Variants in VSIG8 observed in about 807,000 individuals in gnomAD.
The protein encoded by VSIG8 is V-set and immunoglobulin domain containing 8.
VSIG8 carries 32 observed loss-of-function variants against 42.6 expected under a neutral mutation model. The ratio of observed to expected loss-of-function variants is 0.75; its 90% CI spans 0.57 to 1.01. VSIG8 has a LOEUF of 1.01. Among genes scored for constraint, VSIG8 ranks in the 50% least tolerant of loss-of-function variants. The probability of loss-of-function intolerance (pLI) is 0.00; values close to 1 mark genes in which losing one functional copy is unlikely to be tolerated. For missense variants in VSIG8, 529 were observed against 558.0 expected, an observed-to-expected ratio of 0.95 and a Z score of 0.52; for synonymous variants, 290 against 243.8, an observed-to-expected ratio of 1.19 and a Z score of -1.77.
intron 1 of VSIG8, 110 bp downstream of exon 1, chr1:159,862,363 A>T: frequency 8.2e-7 from 1 of 1,219,362 alleles, no homozygotes; most frequent in South Asian, 1.5e-5. Context: ...GGTGGGCAGC[A>T]CCCTGCCAGG....
At chr1:159,856,400 G>A (rs1648826240) in intron 5 of VSIG8, 124 bp downstream of exon 5, 2 of 1,509,104 alleles carry the variant, frequency 1.3e-6, no homozygotes, top group Admixed American at 1.8e-5. Context: ...GAAAGGGGCT[G>A]GGAGCCCCCA....
rs1648737406 is a variant in VSIG8, at chr1:159,854,692, GCAGA to G, written c.*57_*60del. 7.1e-7 allele frequency: 1 copy of G among 1,403,442 alleles called. No homozygotes were observed. The highest frequency in any genetic ancestry group is 3.3e-5 in the Admixed American group (1 of 30,032). The allele number at this position is 1,403,442 out of a possible 1,614,324, so 86.9% of individuals were successfully genotyped here. On this transcript the variant is annotated 3_prime_UTR_variant, in exon 7 of 7. Coordinates refer to ENST00000368100, the MANE Select transcript of VSIG8 (RefSeq NM_001013661.1). ...CCCCAGCCCCGACGTGTCCCCAGCT[GCAGA>G]CAGAGAGCCCCGCGCCCTCCTCCTG...
chr1:159,855,796 C>A (rs961116047), intron 6 of VSIG8, 87 bp downstream of exon 6: 218 of 1,444,206 alleles, frequency 1.5e-4, no homozygotes, highest in Non-Finnish European at 1.8e-4. Context: ...GGTGGGGGGC[C>A]CAGCCGGCCG....
chr1:159,856,101 C>A lies in VSIG8; in HGVS notation c.773-20G>T. ...GGGAGTCTGTGGAGAGAAGTGGAGG[C>A]AGGTCAGGCTTTCTCACAGCCTGGC... On this transcript the variant is annotated intron_variant, in intron 5 of 6. Coordinates refer to ENST00000368100, the MANE Select transcript of VSIG8 (RefSeq NM_001013661.1). 1 of 1,602,826 alleles carries A rather than the reference C, an allele frequency of 6.2e-7. No homozygotes were observed. The highest frequency in any genetic ancestry group is 1.7e-5 in the Admixed American group (1 of 58,946).
At chr1:159,862,406 C>T in intron 1 of VSIG8, 67 bp downstream of exon 1, 2 of 1,518,070 alleles carry the variant, frequency 1.3e-6, no homozygotes, top group South Asian at 2.5e-5. Flanking sequence ...CACTGTGAGC[C>T]CTTGCTGCCC....
chr1:159,855,662 G>C, intron 6 of VSIG8: 1 of 959,404 alleles, frequency 1.0e-6, no homozygotes, highest in Non-Finnish European at 1.2e-6. Flanking sequence ...TAGGCAGGAG[G>C]GAAATGGAAG....
In VSIG8 at chr1:159,858,075, G is replaced by A. The variant is rs770014534; in HGVS notation, c.430+15C>T. 1.2e-6 allele frequency: 2 copies of A among 1,614,214 alleles called. No homozygotes were observed. The highest frequency in any genetic ancestry group is 1.7e-6 in the Non-Finnish European group (2 of 1,180,024). ...TAAGCCAGGGGGAGAGGAGCTTAGA[G>A]GAGTCTGGCCATACCTTGGACAGTG... is the stretch of plus-strand genomic sequence containing the variant. On this transcript the variant is annotated intron_variant, in intron 3 of 6. Transcript: ENST00000368100.
At chr1:159,856,415 C>A in intron 5 of VSIG8, 109 bp downstream of exon 5, 1 of 1,569,460 alleles carries the variant, frequency 6.4e-7, no homozygotes. Flanking sequence ...CCCCCACTGG[C>A]AAATGGATGG....
chr1:159,862,142 C>A (rs922744478), intron 1 of VSIG8: 5 of 311,242 alleles, frequency 1.6e-5, no homozygotes. Context: ...TCCTACCCCA[C>A]CTCCAGCTCC....
At chr1:159,858,970 G>A (rs1386591719) in intron 1 of VSIG8, 58 bp from the exon 2 acceptor site, 18 of 1,552,656 alleles carry the variant, frequency 1.2e-5, no homozygotes, top group Non-Finnish European at 3.5e-6. Context: ...TTCAGGAGGA[G>A]TCAGTGTCAG....
Position 159,858,821 on chromosome 1 carries a change from G to A in VSIG8, c.141C>T (p.Val47=). 6.2e-7 allele frequency: 1 copy of A among 1,614,070 alleles called. No individual in the cohort carries two copies. The highest frequency in any genetic ancestry group is 8.5e-7 in the Non-Finnish European group (1 of 1,180,008). ...TGGGACCATAGTCCTCAGGGTCCAG[G>A]ACGTAGGGGCAGCCCAGCCTCACAT... ...GDNVRLGCPY[V]LDPEDYGPNG... Residue 47 remains valine (V), a synonymous_variant, in exon 2 of 7, where the codon GTC becomes GTT. Coordinates refer to ENST00000368100, the MANE Select transcript of VSIG8 (RefSeq NM_001013661.1).
Position 159,857,954 on chromosome 1 carries a change from A to C in VSIG8, c.443T>G (p.Val148Gly). ...GTGGCCCTCTGTCCAGCACATGGGC[A>C]CTGCAGGTCGTGCTGCAAGGAGGCA... ...VIVTVQARPA[V>G]PMCWTEGHMT... The change falls in exon 4 of 7, where the codon GTG becomes GGG. Residue 148 changes from valine to glycine, a missense_variant. Transcript: ENST00000368100. 6.2e-7 allele frequency: 1 copy of C among 1,613,984 alleles called. No homozygotes were observed. Among genetic ancestry groups the C allele is most frequent in the Non-Finnish European group, 8.5e-7 (1 of 1,179,920 alleles).
At chr1:159,855,801 C>T (rs1335993294) in intron 6 of VSIG8, 82 bp downstream of exon 6, 21 of 1,452,532 alleles carry the variant, frequency 1.4e-5, no homozygotes, top group Non-Finnish European at 1.9e-5. Context: ...GGGGCCCAGC[C>T]GGCCGGTGGC....
At chr1:159,858,673 C>T in intron 2 of VSIG8, 61 bp downstream of exon 2, 1 of 1,533,388 alleles carries the variant, frequency 6.5e-7, no homozygotes, top group South Asian at 1.2e-5. Context: ...GGGATGTTGG[C>T]TGTCCAACAG....
At position 159,854,805 on chromosome 1, in the gene VSIG8, G is replaced by C. The variant is rs748108966; in HGVS notation, c.1193C>G (p.Pro398Arg). ...CACCGGCCCCTCGGCGCAGTCAGCC[G>C]GCTCCGCGCTCTTGACCTTGACGTA... The part of the protein sequence containing the change: ...PVYVKVKSAE[P>R]ADCAEGPVQC... Residue 398 changes from proline to arginine, a missense_variant, in exon 7 of 7, where the codon CCG (proline) becomes CGG (arginine). By Grantham distance (103) the Pro-to-Arg change is moderately radical. Coordinates refer to ENST00000368100, the MANE Select transcript of VSIG8 (RefSeq NM_001013661.1). 1 of 1,503,926 alleles carries C rather than the reference G, an allele frequency of 6.6e-7. No homozygotes were observed. Among genetic ancestry groups the C allele is most frequent in the Non-Finnish European group, 8.8e-7 (1 of 1,133,836 alleles). 93.2% of individuals were successfully genotyped at this position (1,503,926 alleles called of 1,614,324 possible).
Position 159,858,206 on chromosome 1 carries a change from C to G in VSIG8, c.314G>C (p.Ser105Thr). Residue 105 changes from serine (S) to threonine (T), a missense_variant, in exon 3 of 7, where the codon AGC (serine) becomes ACC (threonine). Ser to Thr is a moderately conservative substitution (Grantham distance 58). Transcript: ENST00000368100. ...QRVRFAASDP[S>T]QYDASINLMN... ...GAGGTTGATGGAGGCATCGTACTGG[C>G]TTGGGTCTGAGGCTGCAAAGCGGAC... is the stretch of plus-strand genomic sequence containing the variant. The G allele has an allele frequency of 2.5e-6, 4 of 1,614,234 alleles. No individual in the cohort carries two copies. The highest frequency in any genetic ancestry group is 2.5e-6 in the Non-Finnish European group (3 of 1,180,050).
chr1:159,855,028 T>C lies in VSIG8; in HGVS notation c.972-2A>G, dbSNP rs1258239484. On this transcript the variant is annotated splice_acceptor_variant, in intron 6 of 6. Transcript: ENST00000368100. LOFTEE classifies it high-confidence loss of function. Reference sequence around the variant, plus strand: ...CACCCGGGCGCCACGGCGTCCTCTCTGTGGAAAACAACAGGCGGGCGGGTG... The same window carrying C: ...CACCCGGGCGCCACGGCGTCCTCTCCGTGGAAAACAACAGGCGGGCGGGTG... 6.3e-7 allele frequency: 1 copy of C among 1,576,134 alleles called. No individual in the cohort carries two copies. Among genetic ancestry groups the C allele is most frequent in the African/African-American group, 1.4e-5 (1 of 73,706 alleles).
At position 159,854,647 on chromosome 1, in the gene VSIG8, C is replaced by T; in HGVS notation, c.*106G>A. 1 of 1,346,976 alleles carries T rather than the reference C, an allele frequency of 7.4e-7. No homozygotes were observed. Among genetic ancestry groups the T allele is most frequent in the Non-Finnish European group, 9.5e-7 (1 of 1,054,760 alleles). The allele number at this position is 1,346,976 out of a possible 1,614,324, so 83.4% of individuals were successfully genotyped here. ...GCCTTCACCCCCAGCCGCCTGGCAG[C>T]CTGGGGCGAGCGAGGTCGTCCCCAG... On this transcript the variant is annotated 3_prime_UTR_variant, in exon 7 of 7. Transcript: ENST00000368100.
In VSIG8 at chr1:159,855,045, G is replaced by T. The variant is rs111439060; in HGVS notation, c.972-19C>A. 1.9e-6 allele frequency: 3 copies of T among 1,572,638 alleles called. No individual in the cohort carries two copies. Among genetic ancestry groups the T allele is most frequent in the South Asian group, 2.3e-5 (2 of 85,908 alleles). On this transcript the variant is annotated intron_variant, in intron 6 of 6. Transcript: ENST00000368100. ...GTCCTCTCTGTGGAAAACAACAGGCGGGCGGGTGAGCGGGCTGCTCCGCAG... is the reference window on the plus strand; with the variant it reads ...GTCCTCTCTGTGGAAAACAACAGGCTGGCGGGTGAGCGGGCTGCTCCGCAG...
Sources: gnomAD v4.1 joint callset for allele counts on GRCh38, gnomAD v4.1.1 for gene constraint, MANE v1.5 for transcripts, NCBI Gene and HGNC (gene_info 2026-07-23, HGNC 2026-07-21) for gene names.